NTM: variants seen among roughly 807,000 people sequenced by gnomAD.
The protein encoded by NTM is IgLON family member 2.
A neutral mutation model predicts 42.1 loss-of-function variants in NTM; 13 were observed. The ratio of observed to expected loss-of-function variants is 0.31; its 90% CI spans 0.20 to 0.49. The LOEUF is 0.49. Among genes scored for constraint, NTM ranks in the 20% least tolerant of loss-of-function variants. The pLI, the probability that NTM is intolerant of heterozygous loss-of-function variation, is 0.99. For synonymous variants in NTM, 187 were observed against 179.2 expected (o/e 1.04, Z -0.35); for missense variants, 373 against 452.8 (o/e 0.82, Z 1.60).
chr11:132,209,207 T>C lies in NTM; in HGVS notation c.401-2815T>C, dbSNP rs2082443742. ...AGTCAGCAAATCAAATGCTCAGTCATTAACTCATCAGTTACCTTTCTGTCC... is the reference window on the plus strand; with the variant it reads ...AGTCAGCAAATCAAATGCTCAGTCACTAACTCATCAGTTACCTTTCTGTCC... On this transcript the variant is annotated intron_variant, in intron 3 of 8. Coordinates refer to ENST00000683400, the MANE Select transcript of NTM (RefSeq NM_001352005.2). Among the ~76,000 whole-genome samples, 3 of 152,274 alleles carry C rather than the reference T, an allele frequency of 2.0e-5. No homozygotes were observed. The South Asian group carries it at 6.2e-4, about 31-fold the overall frequency.
chr11:131,965,885 G>C (rs1057209525), intron 2 of NTM, among the ~76,000 whole-genome samples: 2 of 142,818 alleles, frequency 1.4e-5, no homozygotes. Context: ...ATGGAAAAAG[G>C]AAGGGTTGGA....
chr11:132,280,155 C>T (rs778989936), intron 4 of NTM, among the ~76,000 whole-genome samples: 4 of 152,194 alleles, frequency 2.6e-5, no homozygotes, highest in Non-Finnish European at 5.9e-5. Flanking sequence ...TGATGGATCT[C>T]AACCGAGGTC....
chr11:132,085,654 T>C (rs1350342549), intron 2 of NTM, among the ~76,000 whole-genome samples: 2 of 152,232 alleles, frequency 1.3e-5, no homozygotes, highest in African/African-American at 4.8e-5. Flanking sequence ...TAAGCACTTA[T>C]TTTTCTTTAG....
intron 2 of NTM, among the ~76,000 whole-genome samples, chr11:132,108,637 T>C (rs577716646): frequency 6.6e-6 from 1 of 152,186 alleles, no homozygotes; most frequent in South Asian, 2.1e-4. Context: ...AAAGAACGTA[T>C]CCATGAAACC....
intron 2 of NTM, among the ~76,000 whole-genome samples, chr11:132,131,594 G>A (rs1249101618): frequency 1.3e-5 from 2 of 152,058 alleles, no homozygotes; most frequent in East Asian, 1.9e-4. Context: ...GGGCAGTGTG[G>A]GAAATGGGTT....
At chr11:132,177,166 G>T (rs1310258010) in intron 3 of NTM, among the ~76,000 whole-genome samples, 1 of 152,174 alleles carries the variant, frequency 6.6e-6, no homozygotes, top group African/African-American at 2.4e-5. Flanking sequence ...CATTTTAAAT[G>T]CTGTGACATT....
intron 3 of NTM, among the ~76,000 whole-genome samples, chr11:132,151,314 G>A (rs189187125): frequency 2.0e-4 from 31 of 152,246 alleles, no homozygotes; most frequent in African/African-American, 4.6e-4. Flanking sequence ...AAAAGGCCCC[G>A]TCTGTGTTTC....
At chr11:131,740,373 C>T (rs1309130907) in intron 1 of NTM, among the ~76,000 whole-genome samples, 8 of 152,212 alleles carry the variant, frequency 5.3e-5, no homozygotes, top group East Asian at 3.9e-4. Context: ...TCACAATGAA[C>T]GCTCAACAAA....
At chr11:132,208,894 T>A (rs933491837) in intron 3 of NTM, among the ~76,000 whole-genome samples, 4 of 152,196 alleles carry the variant, frequency 2.6e-5, no homozygotes, top group Non-Finnish European at 5.9e-5. Context: ...AATAAATTAC[T>A]TACCTGCACA....
chr11:131,958,488 A>G (rs906173119), intron 2 of NTM, among the ~76,000 whole-genome samples: 19 of 152,198 alleles, frequency 1.2e-4, no homozygotes, highest in African/African-American at 4.6e-4. Flanking sequence ...GTGTTTAGGG[A>G]AAACAAGAAA....
chr11:131,735,536 G>T (rs1267517733), intron 1 of NTM, among the ~76,000 whole-genome samples: 1 of 152,156 alleles, frequency 6.6e-6, no homozygotes, highest in Non-Finnish European at 1.5e-5. Flanking sequence ...ACAAAATCAG[G>T]TGGAACAAAT....
chr11:131,441,552 A>G (rs938308889), intron 1 of NTM, among the ~76,000 whole-genome samples: 1 of 152,226 alleles, frequency 6.6e-6, no homozygotes, highest in African/African-American at 2.4e-5. Flanking sequence ...CTAACAAGAT[A>G]AGTGCCTTGT....
chr11:131,400,472 C>T (rs758728980), intron 1 of NTM, among the ~76,000 whole-genome samples: 1 of 152,142 alleles, frequency 6.6e-6, no homozygotes, highest in Non-Finnish European at 1.5e-5. Context: ...CTAGAGGGAC[C>T]TTGGCTTGAA....
chr11:131,516,564 G>T (rs1469890423), intron 1 of NTM, among the ~76,000 whole-genome samples: 2 of 152,084 alleles, frequency 1.3e-5, no homozygotes, highest in Non-Finnish European at 2.9e-5. Context: ...CAGAGACGGG[G>T]TTTCACCATG....
chr11:131,829,780 T>A (rs2136519116), intron 1 of NTM, among the ~76,000 whole-genome samples: 1 of 152,288 alleles, frequency 6.6e-6, no homozygotes, highest in African/African-American at 2.4e-5. Context: ...GTGGCTGAAC[T>A]AATTTACATT....
intron 1 of NTM, among the ~76,000 whole-genome samples, chr11:131,730,256 T>C (rs886886678): frequency 2.6e-5 from 4 of 152,208 alleles, no homozygotes. Flanking sequence ...TTTAATATGA[T>C]GTATTTGAGA....
chr11:131,817,918 G>C (rs921900022), intron 1 of NTM, among the ~76,000 whole-genome samples: 3 of 152,230 alleles, frequency 2.0e-5, no homozygotes, highest in Admixed American at 2.0e-4. Context: ...TCCTGGGTTT[G>C]AACTGCACCA....
At chr11:131,813,374 G>C (rs1412806440) in intron 1 of NTM, among the ~76,000 whole-genome samples, 1 of 152,136 alleles carries the variant, frequency 6.6e-6, no homozygotes, top group Non-Finnish European at 1.5e-5. Context: ...GGGATGCAAA[G>C]ATGAATAATA....
intron 1 of NTM, among the ~76,000 whole-genome samples, chr11:131,791,132 G>A (rs973990204): frequency 6.6e-6 from 1 of 152,142 alleles, no homozygotes; most frequent in South Asian, 2.1e-4. Context: ...GTCTCTCCAA[G>A]TCCAATGATT....
Sources: allele counts gnomAD v4.1 joint callset (sites outside exome capture counted in the v4.1 genomes callset), GRCh38; gene constraint gnomAD v4.1.1; transcripts MANE v1.5; gene names NCBI Gene and HGNC (gene_info 2026-07-23, HGNC 2026-07-21).